The following SYT9 variants were observed in gnomAD, a reference collection of about 807,000 sequenced individuals.
SYT9 encodes the protein synaptotagmin-9.
Under a neutral mutation model 48.4 loss-of-function variants are expected in SYT9, and 22 were observed. The observed-to-expected ratio is 0.45, with a 90% confidence interval of 0.32 to 0.65. The LOEUF is 0.65. SYT9 is among the 30% of genes least tolerant of loss of function. SYT9 has a pLI of 0.03. For synonymous variants in SYT9, 265 were observed against 245.0 expected, an observed-to-expected ratio of 1.08 and a Z score of -0.76; for missense variants, 577 against 622.0, an observed-to-expected ratio of 0.93 and a Z score of 0.77.
At position 7,468,082 on chromosome 11, in the gene SYT9, G is replaced by A. The variant is rs530009416; in HGVS notation, c.*1282G>A. ...TAATGGTCCTCTCTGTCCCATTATAGGTGCAAGGCACCCCATCCACACATT... is the reference window on the plus strand; with the variant it reads ...TAATGGTCCTCTCTGTCCCATTATAAGTGCAAGGCACCCCATCCACACATT... On this transcript the variant is annotated 3_prime_UTR_variant, in exon 7 of 7. Transcript: ENST00000318881. The A allele has an allele frequency of 5.1e-6, 2 of 391,254 alleles. No individual in the cohort carries two copies. Among genetic ancestry groups the A allele is most frequent in the South Asian group, 1.4e-4 (1 of 6,968 alleles). 24.2% of individuals were successfully genotyped at this position (391,254 alleles called of 1,614,324 possible).
Position 7,458,234 on chromosome 11 carries a change from G to A in SYT9, c.1468-8558G>A, listed in dbSNP as rs113683066. Among the ~76,000 whole-genome samples, 976 of 152,232 alleles carry A rather than the reference G, an allele frequency of 6.4e-3. 6 individuals carry two copies. The highest frequency in any genetic ancestry group is 0.021 in the African/African-American group (872 of 41,548). ...GGTGGCGCACACCTGTAATCCCAGC[G>A]CTTTGGGAGGCTGTGATGGGCGGAT... On this transcript the variant is annotated intron_variant, in intron 6 of 6. Coordinates refer to ENST00000318881, the MANE Select transcript of SYT9 (RefSeq NM_175733.4).
chr11:7,434,201 G>C (rs1237228193), intron 6 of SYT9, among the ~76,000 whole-genome samples: 1 of 152,208 alleles, frequency 6.6e-6, no homozygotes, highest in Non-Finnish European at 1.5e-5. Flanking sequence ...GTGCTTTAGA[G>C]AATTATCGGC....
chr11:7,322,509 A>G (rs1849355181), intron 3 of SYT9, among the ~76,000 whole-genome samples: 1 of 152,116 alleles, frequency 6.6e-6, no homozygotes, highest in Non-Finnish European at 1.5e-5. Context: ...TCCCTCAGAC[A>G]TGTTATCCCC....
intron 1 of SYT9, among the ~76,000 whole-genome samples, chr11:7,277,145 A>G (rs1177709018): frequency 6.6e-6 from 1 of 152,204 alleles, no homozygotes; most frequent in African/African-American, 2.4e-5. Flanking sequence ...ACTGAGGGAA[A>G]GGACTGTGTA....
intron 3 of SYT9, among the ~76,000 whole-genome samples, chr11:7,408,827 T>A (rs935293513): frequency 3.1e-4 from 47 of 152,190 alleles, no homozygotes; most frequent in Non-Finnish European, 4.6e-4. Context: ...TTCATTTTTT[T>A]TAATTTGTTT....
At chr11:7,284,107 A>G (rs1425955252) in intron 1 of SYT9, among the ~76,000 whole-genome samples, 6 of 152,174 alleles carry the variant, frequency 3.9e-5, no homozygotes, top group Admixed American at 2.6e-4. Context: ...AAGATTTTGT[A>G]TCATAAAATA....
chr11:7,411,438 A>T (rs1847135005), intron 3 of SYT9, among the ~76,000 whole-genome samples: 1 of 152,144 alleles, frequency 6.6e-6, no homozygotes, highest in Non-Finnish European at 1.5e-5. Context: ...TAGTGGTGAT[A>T]AATTCCCTCA....
chr11:7,299,683 A>G (rs1293291983), intron 1 of SYT9, among the ~76,000 whole-genome samples: 1 of 152,142 alleles, frequency 6.6e-6, no homozygotes, highest in South Asian at 2.1e-4. Context: ...CTGAATGCCT[A>G]TTGTGTGCCA....
intron 1 of SYT9, among the ~76,000 whole-genome samples, chr11:7,276,683 C>A (rs187337400): frequency 6.6e-6 from 1 of 152,074 alleles, no homozygotes; most frequent in Non-Finnish European, 1.5e-5. Flanking sequence ...TTCTTTTAAG[C>A]ATCAGTTTTG....
intron 3 of SYT9, among the ~76,000 whole-genome samples, chr11:7,367,145 A>G (rs576764437): frequency 8.0e-5 from 10 of 125,190 alleles, no homozygotes; most frequent in Non-Finnish European, 9.5e-5. Flanking sequence ...GCAGTGGCGC[A>G]ATCTCGGCTC....
chr11:7,351,414 G>T (rs989230661), intron 3 of SYT9, among the ~76,000 whole-genome samples: 4 of 152,226 alleles, frequency 2.6e-5, no homozygotes, highest in African/African-American at 7.2e-5. Flanking sequence ...GTAGGATGCA[G>T]TGGCAGTGCT....
chr11:7,375,341 C>G (rs1279715142), intron 3 of SYT9, among the ~76,000 whole-genome samples: 3 of 152,124 alleles, frequency 2.0e-5, no homozygotes, highest in African/African-American at 7.2e-5. Context: ...AGTTTGAAAT[C>G]AGGTAGCGTG....
At chr11:7,262,346 G>A (rs573669473) in intron 1 of SYT9, among the ~76,000 whole-genome samples, 10 of 152,210 alleles carry the variant, frequency 6.6e-5, no homozygotes, top group South Asian at 2.1e-4. Context: ...CAGACTAGCC[G>A]TCTGGATATA....
chr11:7,278,660 C>T (rs146379001), intron 1 of SYT9, among the ~76,000 whole-genome samples: 11 of 152,160 alleles, frequency 7.2e-5, no homozygotes, highest in South Asian at 2.1e-4. Context: ...TTCTATAATA[C>T]GGAGAAAATT....
At chr11:7,448,325 A>G (rs1847975141) in intron 6 of SYT9, among the ~76,000 whole-genome samples, 1 of 152,260 alleles carries the variant, frequency 6.6e-6, no homozygotes, top group Non-Finnish European at 1.5e-5. Context: ...ACTCAGGTGC[A>G]GGGATCTGGC....
At chr11:7,324,021 T>A (rs1263852022) in intron 3 of SYT9, among the ~76,000 whole-genome samples, 1 of 151,968 alleles carries the variant, frequency 6.6e-6, no homozygotes, top group African/African-American at 2.4e-5. Flanking sequence ...AATAATCTTT[T>A]CTGTCAATGT....
At chr11:7,444,197 G>A (rs1268251612) in intron 6 of SYT9, 1 of 152,298 alleles carries the variant, frequency 6.6e-6, no homozygotes, top group Non-Finnish European at 1.5e-5. Flanking sequence ...AGGGGAGGAA[G>A]AAGGGTTTCC....
At chr11:7,372,571 G>T (rs142853437) in intron 3 of SYT9, among the ~76,000 whole-genome samples, 13 of 152,230 alleles carry the variant, frequency 8.5e-5, no homozygotes, top group African/African-American at 3.1e-4. Flanking sequence ...ATCTCTCTAT[G>T]TTGCCCAGAC....
At chr11:7,294,667 C>G (rs1418239367) in intron 1 of SYT9, among the ~76,000 whole-genome samples, 1 of 152,126 alleles carries the variant, frequency 6.6e-6, no homozygotes, top group Non-Finnish European at 1.5e-5. Context: ...TAATATTCTG[C>G]CCCCCAGGCT....
Sources: allele counts gnomAD v4.1 joint callset (sites outside exome capture counted in the v4.1 genomes callset), GRCh38; gene constraint gnomAD v4.1.1; transcripts MANE v1.5; gene names NCBI Gene and HGNC (gene_info 2026-07-23, HGNC 2026-07-21).